DOCK4: variants seen among roughly 807,000 people sequenced by gnomAD.
DOCK4 encodes the protein dedicator of cytokinesis 4.
A neutral mutation model predicts 268.1 loss-of-function variants in DOCK4; 97 were observed. That is an observed-to-expected ratio of 0.36 (90% confidence interval 0.31 to 0.43). DOCK4 has a LOEUF of 0.43. Among genes scored for constraint, DOCK4 ranks in the 20% least tolerant of loss-of-function variants. The pLI is 1.00. For missense variants in DOCK4, 2,145 were observed against 2,455.7 expected (o/e 0.87, Z 2.67); for synonymous variants, 954 against 887.2 (o/e 1.08, Z -1.34).
chr7:111,950,419 C>T (rs1184342610), intron 8 of DOCK4, among the ~76,000 whole-genome samples: 5 of 152,198 alleles, frequency 3.3e-5, no homozygotes, highest in African/African-American at 1.2e-4. Flanking sequence ...TGCATACCTC[C>T]ATTACATACA....
chr7:112,067,686 C>A (rs752630406), intron 1 of DOCK4, among the ~76,000 whole-genome samples: 1 of 152,168 alleles, frequency 6.6e-6, no homozygotes, highest in South Asian at 2.1e-4. Flanking sequence ...CTAGAACTTA[C>A]GGCTTTGACT....
chr7:111,927,360 A>G (rs1007551179), intron 12 of DOCK4, among the ~76,000 whole-genome samples: 8 of 152,250 alleles, frequency 5.3e-5, no homozygotes, highest in African/African-American at 1.9e-4. Context: ...GAAGCAATAC[A>G]TAATGTCACA....
At chr7:111,860,115 C>T (rs1563603918) in intron 23 of DOCK4, among the ~76,000 whole-genome samples, 1 of 152,210 alleles carries the variant, frequency 6.6e-6, no homozygotes, top group Non-Finnish European at 1.5e-5. Context: ...CTGACACTGT[C>T]TGTGGAGCCT....
chr7:112,103,943 T>A (rs1810916257), intron 1 of DOCK4, among the ~76,000 whole-genome samples: 1 of 152,172 alleles, frequency 6.6e-6, no homozygotes, highest in Non-Finnish European at 1.5e-5. Flanking sequence ...TAATCCTCAA[T>A]AATTTTTCCC....
intron 23 of DOCK4, 71 bp from the exon 24 acceptor site, chr7:111,847,197 T>C: frequency 1.3e-6 from 2 of 1,559,772 alleles, no homozygotes; most frequent in Non-Finnish European, 1.7e-6. Context: ...AATCCTTATC[T>C]ACTTTTAATT....
chr7:111,998,018 C>T (rs1444303193), intron 4 of DOCK4, among the ~76,000 whole-genome samples: 8 of 152,144 alleles, frequency 5.3e-5, no homozygotes, highest in Non-Finnish European at 5.9e-5. Context: ...GAAGTGGTCA[C>T]ACAAGAATAT....
chr7:111,769,406 T>C lies in DOCK4; in HGVS notation c.3828+123A>G, dbSNP rs571845793. The C allele has an allele frequency of 2.3e-4, 278 of 1,227,540 alleles. 1 individual carries two copies. Among genetic ancestry groups the C allele is most frequent in the South Asian group, 1.3e-3 (86 of 68,316 alleles). The allele number at this position is 1,227,540 out of a possible 1,614,324, so 76.0% of individuals were successfully genotyped here. Reference sequence around the variant, plus strand: ...TTAACAAGCTTTTGGGTGTTTCTAATATACATTAAGATGTGAGGATCCCTG... The same window carrying C: ...TTAACAAGCTTTTGGGTGTTTCTAACATACATTAAGATGTGAGGATCCCTG... On this transcript the variant is annotated intron_variant, in intron 37 of 52. Coordinates refer to ENST00000428084, the MANE Select transcript of DOCK4 (RefSeq NM_001363540.2).
intron 17 of DOCK4, among the ~76,000 whole-genome samples, chr7:111,872,980 A>C (rs1407451663): frequency 3.3e-5 from 5 of 152,164 alleles, no homozygotes; most frequent in African/African-American, 9.7e-5. Context: ...GAGGGCTGGG[A>C]ACCTGCTTTA....
intron 1 of DOCK4, among the ~76,000 whole-genome samples, chr7:112,087,647 T>C (rs1276944853): frequency 6.6e-6 from 1 of 152,162 alleles, no homozygotes; most frequent in Non-Finnish European, 1.5e-5. Flanking sequence ...GATATCGTTA[T>C]CTAAAATACT....
intron 1 of DOCK4, among the ~76,000 whole-genome samples, chr7:112,132,716 C>G (rs545148247): frequency 4.6e-5 from 7 of 152,168 alleles, no homozygotes; most frequent in Non-Finnish European, 1.0e-4. Context: ...GTATCCAATA[C>G]AGAAAGTAGG....
rs958789475 is a variant in DOCK4 at position 112,058,024 on chromosome 7, A to T, written c.38-53893T>A. On this transcript the variant is annotated intron_variant, in intron 1 of 52. Transcript: ENST00000428084. ...TACACATTTTGGAAGTACAGGTTCA[A>T]TTTTTTTTTTTTTTTTTTTTTTTTT... Among the ~76,000 whole-genome samples the T allele has an allele frequency of 2.7e-3, 315 of 115,046 alleles. 1 individual carries two copies. The highest frequency in any genetic ancestry group is 3.9e-3 in the Non-Finnish European group (219 of 56,532). The allele number at this position is 115,046 out of a possible 152,430, so 75.5% of individuals were successfully genotyped here. A position where few individuals can be genotyped will look rare whatever the true frequency, so the allele number is the denominator to read the frequency against.
chr7:112,073,786 G>T (rs1343613125), intron 1 of DOCK4, among the ~76,000 whole-genome samples: 1 of 152,156 alleles, frequency 6.6e-6, no homozygotes, highest in Non-Finnish European at 1.5e-5. Flanking sequence ...ACTGGGAGAA[G>T]TTGGTTAACA....
chr7:111,871,690 A>T (rs974055441), intron 20 of DOCK4, among the ~76,000 whole-genome samples: 2 of 152,366 alleles, frequency 1.3e-5, no homozygotes, highest in African/African-American at 4.8e-5. Context: ...TAACAGCCGA[A>T]GTGAGATAAC....
chr7:112,135,191 G>GTA (rs1004838656), intron 1 of DOCK4, among the ~76,000 whole-genome samples: 4 of 151,946 alleles, frequency 2.6e-5, no homozygotes, highest in African/African-American at 9.7e-5. Flanking sequence ...TTGAAAGTTG[G>GTA]TATATTTTTC....
intron 35 of DOCK4, among the ~76,000 whole-genome samples, chr7:111,778,745 A>G (rs1798608629): frequency 6.6e-6 from 1 of 152,146 alleles, no homozygotes; most frequent in Non-Finnish European, 1.5e-5. Context: ...TTAAATTTCA[A>G]AGCTATTTTG....
chr7:111,760,382 C>G, intron 39 of DOCK4, 60 bp from the exon 40 acceptor site: 1 of 1,542,918 alleles, frequency 6.5e-7, no homozygotes, highest in Non-Finnish European at 8.8e-7. Context: ...ACAGACAGAG[C>G]CAAAAAACAT....
intron 10 of DOCK4, among the ~76,000 whole-genome samples, chr7:111,943,974 G>C (rs1042027686): frequency 2.0e-5 from 3 of 152,190 alleles, no homozygotes; most frequent in Admixed American, 6.5e-5. Context: ...GCAAGTAATG[G>C]AGTACAGTTA....
At chr7:112,128,090 A>G (rs920255985) in intron 1 of DOCK4, among the ~76,000 whole-genome samples, 21 of 152,342 alleles carry the variant, frequency 1.4e-4, no homozygotes, top group Admixed American at 2.6e-4. Flanking sequence ...ATTCAGTTAG[A>G]CAAACAGTAC....
intron 16 of DOCK4, among the ~76,000 whole-genome samples, chr7:111,887,767 T>TA (rs34109488): frequency 0.15 from 22,320 of 147,690 alleles, 1,828 homozygotes; most frequent in Non-Finnish European, 0.19. Context: ...AAAAAATTAT[T>TA]AAAAAAAAAA....
Sources: allele counts gnomAD v4.1 joint callset (sites outside exome capture counted in the v4.1 genomes callset), GRCh38; gene constraint gnomAD v4.1.1; transcripts MANE v1.5; gene names NCBI Gene and HGNC (gene_info 2026-07-23, HGNC 2026-07-21).